The following ELOVL7 variants were observed in gnomAD, a reference collection of about 807,000 sequenced individuals.
ELOVL7 encodes ELOVL fatty acid elongase 7, also known as very long chain fatty acid elongase 7.
In ELOVL7, 27 loss-of-function variants were observed where a neutral mutation model predicts 35.7. The ratio of observed to expected loss-of-function variants is 0.76; its 90% CI spans 0.56 to 1.04. ELOVL7 has a LOEUF of 1.04. Ranked by LOEUF, ELOVL7 falls within the 50% of genes least tolerant of loss-of-function variation. The pLI, the probability that ELOVL7 is intolerant of heterozygous loss-of-function variation, is 0.00. For synonymous variants in ELOVL7, 113 were observed against 114.6 expected (o/e 0.99, Z 0.09); for missense variants, 327 against 340.8 (o/e 0.96, Z 0.32).
chr5:60,801,873 C>T (rs1744638113), intron 1 of ELOVL7, among the ~76,000 whole-genome samples: 1 of 151,816 alleles, frequency 6.6e-6, no homozygotes, highest in Non-Finnish European at 1.5e-5. Context: ...TGGGAACTTG[C>T]ACCAGTGGCC....
Position 60,787,437 on chromosome 5 carries a change from G to A in ELOVL7, c.-34-6C>T. 1 of 1,465,046 alleles carries A rather than the reference G, an allele frequency of 6.8e-7. No individual in the cohort carries two copies. Among genetic ancestry groups the A allele is most frequent in the South Asian group, 1.3e-5 (1 of 78,566 alleles). The allele number at this position is 1,465,046 out of a possible 1,614,324, so 90.8% of individuals were successfully genotyped here. ...ACTGGCTCTTTTAATGGGTTCTTCAGTAAAATAAAACAGAAATGAGTTTAT... is the reference window on the plus strand; with the variant it reads ...ACTGGCTCTTTTAATGGGTTCTTCAATAAAATAAAACAGAAATGAGTTTAT... On this transcript the variant is annotated splice_polypyrimidine_tract_variant and splice_region_variant and intron_variant, in intron 2 of 8. Transcript: ENST00000508821.
Position 60,754,473 on chromosome 5 carries a change from G to C in ELOVL7, c.*151C>G, listed in dbSNP as rs922992394. The stretch of plus-strand genomic sequence containing the variant: ...CAGAAGACTGTTATCTGGAAGCTTC[G>C]GGCTCTCAAATATCAGACATCCCAA... On this transcript the variant is annotated 3_prime_UTR_variant, in exon 9 of 9. Coordinates refer to ENST00000508821, the MANE Select transcript of ELOVL7 (RefSeq NM_024930.3). The C allele has an allele frequency of 4.6e-6, 3 of 651,838 alleles. No individual in the cohort carries two copies. The highest frequency in any genetic ancestry group is 2.2e-5 in the South Asian group (1 of 44,602). 40.4% of individuals were successfully genotyped at this position (651,838 alleles called of 1,614,324 possible). A position where few individuals can be genotyped will look rare whatever the true frequency, so the allele number is the denominator to read the frequency against.
intron 2 of ELOVL7, among the ~76,000 whole-genome samples, chr5:60,789,935 C>T (rs764146246): frequency 2.0e-4 from 31 of 152,042 alleles, no homozygotes; most frequent in Non-Finnish European, 4.3e-4. Flanking sequence ...GTCAGGAGTT[C>T]GAGACTAGCC....
At chr5:60,793,442 G>T (rs113947129) in intron 2 of ELOVL7, among the ~76,000 whole-genome samples, 1,993 of 152,216 alleles carry the variant, frequency 0.013, 21 homozygotes, top group Non-Finnish European at 0.021. Flanking sequence ...ACATGTTGCT[G>T]CTTAAAGTAA....
chr5:60,810,433 T>C (rs1417160596), intron 1 of ELOVL7, among the ~76,000 whole-genome samples: 1 of 152,236 alleles, frequency 6.6e-6, no homozygotes, highest in African/African-American at 2.4e-5. Flanking sequence ...CTTATCTAAA[T>C]TTCTGCTTAA....
At chr5:60,761,946 G>A (rs936652067) in intron 7 of ELOVL7, among the ~76,000 whole-genome samples, 4 of 152,044 alleles carry the variant, frequency 2.6e-5, no homozygotes, top group African/African-American at 4.8e-5. Flanking sequence ...CTGTAAGATC[G>A]AAGGGGGCTC....
At position 60,760,603 on chromosome 5, in the gene ELOVL7, G is replaced by A. The variant is rs539408741; in HGVS notation, c.500-2958C>T. 6.6e-5 allele frequency among the ~76,000 whole-genome samples: 10 copies of A among 152,284 alleles called. No individual in the cohort carries two copies. In the South Asian group the frequency reaches 2.1e-3, roughly 32 times the overall value. The stretch of plus-strand genomic sequence containing the variant: ...ATTTTGTAGGTCGCCTGTTCACTCT[G>A]ATGGTAGTTTCTTTTGCTGTGCAGA... On this transcript the variant is annotated intron_variant, in intron 7 of 8. Transcript: ENST00000508821.
At chr5:60,764,491 G>T (rs1164473827) in intron 6 of ELOVL7, among the ~76,000 whole-genome samples, 159 bp from the exon 7 acceptor site, 1 of 152,024 alleles carries the variant, frequency 6.6e-6, no homozygotes, top group Non-Finnish European at 1.5e-5. Context: ...TTCCCCAAGG[G>T]GCAGCTCAAA....
At chr5:60,758,519 T>C (rs1741685528) in intron 7 of ELOVL7, among the ~76,000 whole-genome samples, 1 of 152,232 alleles carries the variant, frequency 6.6e-6, no homozygotes, top group East Asian at 1.9e-4. Flanking sequence ...AAATATCTAC[T>C]AACTGTGAAA....
At chr5:60,828,615 A>T (rs925138968) in intron 1 of ELOVL7, among the ~76,000 whole-genome samples, 19 of 152,138 alleles carry the variant, frequency 1.2e-4, no homozygotes, top group African/African-American at 2.4e-5. Context: ...GGAGAGTTTT[A>T]AAAAAATCAT....
intron 2 of ELOVL7, among the ~76,000 whole-genome samples, chr5:60,787,676 C>G (rs565350527): frequency 1.1e-4 from 17 of 152,152 alleles, no homozygotes; most frequent in Non-Finnish European, 2.4e-4. Context: ...ATTCTATGTA[C>G]AAGACTCAAA....
rs145518663 is a variant in ELOVL7 at position 60,833,868 on chromosome 5, T to C, written c.-86+10292A>G. On this transcript the variant is annotated intron_variant, in intron 1 of 8. Coordinates refer to ENST00000508821, the MANE Select transcript of ELOVL7 (RefSeq NM_024930.3). ...TATAGCCAGTGCTTAATAATTGCTA[T>C]TATTATAAAATATAATTTTATTTTT... is the stretch of plus-strand genomic sequence containing the variant. Among the ~76,000 whole-genome samples, 544 of 152,290 alleles carry C rather than the reference T, an allele frequency of 3.6e-3. 3 individuals carry two copies. The highest frequency in any genetic ancestry group is 0.012 in the African/African-American group (514 of 41,584).
Position 60,839,101 on chromosome 5 carries a change from G to A in ELOVL7, c.-86+5059C>T, listed in dbSNP as rs1309602640. 4.6e-5 allele frequency among the ~76,000 whole-genome samples: 7 copies of A among 152,096 alleles called. 1 individual carries two copies. The South Asian group carries it at 1.5e-3, about 32-fold the overall frequency. On this transcript the variant is annotated intron_variant, in intron 1 of 8. Coordinates refer to ENST00000508821, the MANE Select transcript of ELOVL7 (RefSeq NM_024930.3). ...GCCTGTAAGCCCAGCACTTTGGGAGGCTGAGGTGAGCAGATCATCACCTGA... is the reference window on the plus strand; with the variant it reads ...GCCTGTAAGCCCAGCACTTTGGGAGACTGAGGTGAGCAGATCATCACCTGA...
At chr5:60,841,630 A>C (rs2112420039) in intron 1 of ELOVL7, among the ~76,000 whole-genome samples, 1 of 152,334 alleles carries the variant, frequency 6.6e-6, no homozygotes, top group East Asian at 1.9e-4. Context: ...ACTGTAGCCT[A>C]TCTATGGCCA....
At chr5:60,810,048 C>T (rs1745156718) in intron 1 of ELOVL7, among the ~76,000 whole-genome samples, 5 of 152,198 alleles carry the variant, frequency 3.3e-5, no homozygotes, top group Admixed American at 3.3e-4. Context: ...TATCAGCCCT[C>T]AAACTATCGC....
At chr5:60,768,280 G>A (rs527238767) in intron 4 of ELOVL7, among the ~76,000 whole-genome samples, 23 of 152,234 alleles carry the variant, frequency 1.5e-4, no homozygotes, top group African/African-American at 5.3e-4. Context: ...TACTCTTAAA[G>A]GGAACACTTG....
intron 1 of ELOVL7, among the ~76,000 whole-genome samples, chr5:60,807,665 A>G (rs10077663): frequency 0.58 from 87,843 of 151,856 alleles, 26,146 homozygotes; most frequent in East Asian, 0.9. Flanking sequence ...AATTCTCCAG[A>G]AGGGTTTTGA....
At chr5:60,794,652 C>A (rs989652145) in intron 2 of ELOVL7, among the ~76,000 whole-genome samples, 2 of 152,224 alleles carry the variant, frequency 1.3e-5, no homozygotes, top group African/African-American at 2.4e-5. Flanking sequence ...AGAACCAGCA[C>A]ATGGCTTTCT....
intron 1 of ELOVL7, among the ~76,000 whole-genome samples, chr5:60,832,366 T>C (rs72757155): frequency 0.024 from 3,659 of 152,192 alleles, 65 homozygotes; most frequent in Admixed American, 0.055. Context: ...TGGGGATTGA[T>C]AGATTTTTTT....
Sources: allele counts gnomAD v4.1 joint callset (sites outside exome capture counted in the v4.1 genomes callset), GRCh38; gene constraint gnomAD v4.1.1; transcripts MANE v1.5; gene names NCBI Gene and HGNC (gene_info 2026-07-23, HGNC 2026-07-21).